Variants in ZAN observed in about 807,000 individuals in gnomAD.
ZAN encodes zonadhesin (gene/pseudogene).
ZAN carries 260 observed loss-of-function variants against 286.2 expected under a neutral mutation model. That is an observed-to-expected ratio of 0.91 (90% confidence interval 0.82 to 1.01). ZAN has a LOEUF of 1.01. Among genes scored for constraint, ZAN ranks in the 50% least tolerant of loss-of-function variants. ZAN has a pLI of 0.00. For missense variants in ZAN, 3,410 were observed against 3,639.2 expected (o/e 0.94, Z 1.62); for synonymous variants, 1,368 against 1,417.5 (o/e 0.97, Z 0.79).
In ZAN at chr7:100,750,791, T is replaced by C; in HGVS notation, c.1416T>C (p.Pro472=). The C allele has an allele frequency of 6.2e-7, 1 of 1,611,312 alleles. No homozygotes were observed. The highest frequency in any genetic ancestry group is 8.5e-7 in the Non-Finnish European group (1 of 1,178,122). ...TGCTCGAACTCCTCCTGGGAAGTCC[T>C]GCGGGGAGTCCCCCGATTCCTCTCT... is the stretch of plus-strand genomic sequence containing the variant. ...GTMLELLLGS[P]AGSPPIPLWK... is the part of the protein sequence containing the mutation. The change falls in exon 12 of 48, where the codon CCT becomes CCC. Residue 472 remains proline, a synonymous_variant. Coordinates refer to ENST00000613979, the MANE Select transcript of ZAN (RefSeq NM_003386.3).
Position 100,773,662 on chromosome 7 carries a change from G to A in ZAN, c.5635-59G>A, listed in dbSNP as rs79744430. 54 of 1,574,134 alleles carry A rather than the reference G, an allele frequency of 3.4e-5. No homozygotes were observed. The East Asian group carries it at 6.7e-4, about 20-fold the overall frequency. ...TGCTGCACCCAGCTTCAACTGGGGC[G>A]TTGGCCCATCTCCCAATTCCAACTT... On this transcript the variant is annotated intron_variant, in intron 30 of 47. Coordinates refer to ENST00000613979, the MANE Select transcript of ZAN (RefSeq NM_003386.3).
In ZAN at chr7:100,767,092, C is replaced by T. The variant is rs35001489; in HGVS notation, c.4695C>T (p.Thr1565=). ...TGCACCACTTCATGGGCACCTGCAC[C>T]TATGTCCTGACCCGGCCTTGCTGGT... ...GALHHFMGTC[T]YVLTRPCWSR... is the part of the protein sequence containing the mutation. Residue 1565 remains threonine (T), a synonymous_variant, in exon 25 of 48, where the codon ACC becomes ACT. Transcript: ENST00000613979. The T allele has an allele frequency of 6.2e-7, 1 of 1,613,954 alleles. No individual in the cohort carries two copies. Among genetic ancestry groups the T allele is most frequent in the Non-Finnish European group, 8.5e-7 (1 of 1,179,884 alleles).
At chr7:100,750,266 A>G (rs1171010186) in intron 11 of ZAN, among the ~76,000 whole-genome samples, 1 of 151,776 alleles carries the variant, frequency 6.6e-6, no homozygotes, top group Non-Finnish European at 1.5e-5. Context: ...ACTCCCGAGT[A>G]GCTGGGACTC....
chr7:100,750,879 C>G lies in ZAN; in HGVS notation c.1504C>G (p.His502Asp). The G allele has an allele frequency of 6.4e-7, 1 of 1,553,376 alleles. No homozygotes were observed. The highest frequency in any genetic ancestry group is 1.4e-5 in the African/African-American group (1 of 73,684). The change falls in exon 12 of 48, where the codon CAC becomes GAC. Residue 502 changes from histidine to aspartate, a missense_variant. Transcript: ENST00000613979. ...QNTSVTVPSG[H>D]QQPMQLIFKG... ...CACCTCCGTCACCGTCCCCTCAGGA[C>G]ACCAACAGCCCATGCAGGTGAGAGA...
rs750250116 is a variant in ZAN, at chr7:100,752,558, C to T, written c.2453C>T (p.Pro818Leu). The T allele has an allele frequency of 6.2e-7, 1 of 1,613,334 alleles. No individual in the cohort carries two copies. Among genetic ancestry groups the T allele is most frequent in the South Asian group, 1.1e-5 (1 of 91,046 alleles). ...ATCTCCACAGAAAAACCCAGCATCC[C>T]CATGGAAAAACCCACTCTCCCCACT... ...TTISTEKPSIPMEKPTLPTEE... is the reference protein window; with the variant it reads ...TTISTEKPSILMEKPTLPTEE... Residue 818 changes from proline (P) to leucine (L), a missense_variant, in exon 14 of 48, where the codon CCC becomes CTC. This residue lies in a region of ZAN where 90 missense variants were observed against 87.1 expected (regional missense o/e 1.03). Coordinates refer to ENST00000613979, the MANE Select transcript of ZAN (RefSeq NM_003386.3).
At chr7:100,775,982 G>A in intron 33 of ZAN, 149 bp downstream of exon 33, 1 of 1,075,630 alleles carries the variant, frequency 9.3e-7, no homozygotes, top group Non-Finnish European at 1.3e-6. Flanking sequence ...GCGCCTTTCT[G>A]TGTAGGGTGG....
Position 100,767,007 on chromosome 7 carries a change from CA to C in ZAN, c.4613-2del, listed in dbSNP as rs747538447. The C allele has an allele frequency of 4.3e-5, 69 of 1,613,608 alleles. No individual in the cohort carries two copies. In the South Asian group the frequency reaches 7.0e-4, roughly 16 times the overall value. Reference sequence around the variant, plus strand: ...ACTGTGAACTCCATCTTCTTCTCCACAGGTGCCGCCACCTGCACAGCCTCGG... The same window carrying C: ...ACTGTGAACTCCATCTTCTTCTCCACGGTGCCGCCACCTGCACAGCCTCGG... On this transcript the variant is annotated splice_acceptor_variant, in intron 24 of 47. Coordinates refer to ENST00000613979, the MANE Select transcript of ZAN (RefSeq NM_003386.3). LOFTEE classifies it high-confidence loss of function.
At position 100,748,298 on chromosome 7, in the gene ZAN, T is replaced by C. The variant is rs372412508; in HGVS notation, c.1103-26T>C. The C allele has an allele frequency of 3.7e-6, 6 of 1,613,764 alleles. No homozygotes were observed. In the African/African-American group the frequency reaches 8.0e-5, roughly 22 times the overall value. ...GGCTGGAGAGCGTCACTCAACTTGC[T>C]CAAATATCCTATTTTGATCCCCCAG... On this transcript the variant is annotated intron_variant, in intron 10 of 47. Coordinates refer to ENST00000613979, the MANE Select transcript of ZAN (RefSeq NM_003386.3).
At position 100,773,167 on chromosome 7, in the gene ZAN, G is replaced by T. The variant is rs568254032; in HGVS notation, c.5426-118G>T. Reference sequence around the variant, plus strand: ...GATCCACCTGCCTCGGCCTCCCAAAGTGCTGGGATTACATGTGCGAGCTAC... The same window carrying T: ...GATCCACCTGCCTCGGCCTCCCAAATTGCTGGGATTACATGTGCGAGCTAC... On this transcript the variant is annotated intron_variant, in intron 29 of 47. Transcript: ENST00000613979. 70 of 1,138,960 alleles carry T rather than the reference G, an allele frequency of 6.1e-5. No homozygotes were observed. The African/African-American group carries it at 9.6e-4, about 16-fold the overall frequency. 70.6% of individuals were successfully genotyped at this position (1,138,960 alleles called of 1,614,324 possible). A position where few individuals can be genotyped will look rare whatever the true frequency, so the allele number is the denominator to read the frequency against.
chr7:100,759,709 C>T lies in ZAN; in HGVS notation c.3572-12C>T. 6.3e-7 allele frequency: 1 copy of T among 1,578,124 alleles called. No homozygotes were observed. The highest frequency in any genetic ancestry group is 8.6e-7 in the Non-Finnish European group (1 of 1,161,948). On this transcript the variant is annotated splice_polypyrimidine_tract_variant and intron_variant, in intron 17 of 47. Coordinates refer to ENST00000613979, the MANE Select transcript of ZAN (RefSeq NM_003386.3). ...GAGCCACTGGGCTCTCTTCATTCCT[C>T]TCCCTACCCAGACCCATTCTTCAGG...
At chr7:100,749,482 C>T (rs868257161) in intron 11 of ZAN, among the ~76,000 whole-genome samples, 127 of 146,694 alleles carry the variant, frequency 8.7e-4, no homozygotes, top group South Asian at 6.1e-3. Context: ...CTACTAAAAA[C>T]ACAAAAAATT....
At chr7:100,786,202 G>C in intron 37 of ZAN, 61 bp downstream of exon 37, 1 of 1,600,162 alleles carries the variant, frequency 6.2e-7, no homozygotes, top group East Asian at 2.2e-5. Flanking sequence ...CGGAGGTGGA[G>C]GAAGAGGCAG....
At chr7:100,760,585 T>A (rs1342037991) in intron 19 of ZAN, 49 bp downstream of exon 19, 13 of 1,605,070 alleles carry the variant, frequency 8.1e-6, no homozygotes, top group Non-Finnish European at 1.1e-5. Flanking sequence ...CTGCTGCCTC[T>A]TCCTGCTGCC....
chr7:100,778,979 G>T (rs1811006479), intron 34 of ZAN, among the ~76,000 whole-genome samples: 1 of 152,130 alleles, frequency 6.6e-6, no homozygotes, highest in Admixed American at 6.6e-5. Context: ...GTTGCAGTGA[G>T]CCAAGATCAC....
intron 6 of ZAN, 22 bp downstream of exon 6, chr7:100,737,371 C>A: frequency 7.2e-7 from 1 of 1,379,758 alleles, no homozygotes; most frequent in Non-Finnish European, 9.9e-7. Flanking sequence ...TCCCTCCTCC[C>A]GCCTGCCCTC....
intron 11 of ZAN, 125 bp from the exon 12 acceptor site, chr7:100,750,500 T>C (rs1319862354): frequency 1.7e-6 from 2 of 1,177,522 alleles, no homozygotes; most frequent in East Asian, 2.6e-5. Context: ...GAAAAAATAA[T>C]GCTACGACCT....
At position 100,763,789 on chromosome 7, in the gene ZAN, G is replaced by T; in HGVS notation, c.3987-17G>T. 1 of 1,611,898 alleles carries T rather than the reference G, an allele frequency of 6.2e-7. No homozygotes were observed. Among genetic ancestry groups the T allele is most frequent in the South Asian group, 1.1e-5 (1 of 91,000 alleles). Reference sequence around the variant, plus strand: ...GCGAGCTTTGTCTTTAGGGAGTTTGGGGTGGGTCTCTTGCAGGTGTCAGAA... The same window carrying T: ...GCGAGCTTTGTCTTTAGGGAGTTTGTGGTGGGTCTCTTGCAGGTGTCAGAA... On this transcript the variant is annotated splice_polypyrimidine_tract_variant and intron_variant, in intron 20 of 47. Coordinates refer to ENST00000613979, the MANE Select transcript of ZAN (RefSeq NM_003386.3). This position sits in a 1 kb window ranked among gnomAD's most constrained non-coding sequence, Gnocchi z 4.6.
At chr7:100,761,921 G>A (rs1040259230) in intron 19 of ZAN, among the ~76,000 whole-genome samples, 13 of 151,078 alleles carry the variant, frequency 8.6e-5, no homozygotes, top group Admixed American at 6.0e-4. Context: ...CCTAGGTGAC[G>A]GAGAGAGACT....
At position 100,797,554 on chromosome 7, in the gene ZAN, G is replaced by A. The variant is rs891439597; in HGVS notation, c.8367-23G>A. On this transcript the variant is annotated intron_variant, in intron 46 of 47. Transcript: ENST00000613979. ...CGTAAAGGGCCACTTGGGGACCCATGTCTATTCCCCCATGCCTTCTAGAGA... is the reference window on the plus strand; with the variant it reads ...CGTAAAGGGCCACTTGGGGACCCATATCTATTCCCCCATGCCTTCTAGAGA... 1.9e-6 allele frequency: 3 copies of A among 1,613,718 alleles called. No homozygotes were observed. The African/African-American group carries it at 4.0e-5, about 22-fold the overall frequency.
Sources: allele counts gnomAD v4.1 joint callset (sites outside exome capture counted in the v4.1 genomes callset), GRCh38; gene constraint gnomAD v4.1.1; regional missense constraint gnomAD v4.1.1; non-coding constraint Gnocchi (gnomAD v3.1); transcripts MANE v1.5; gene names NCBI Gene and HGNC (gene_info 2026-07-23, HGNC 2026-07-21).